Variants in ZFPM2 observed in about 807,000 individuals in gnomAD.
ZFPM2 encodes the protein zinc finger protein, FOG family member 2, also known as zinc finger protein ZFPM2.
ZFPM2 carries 20 observed loss-of-function variants against 98.6 expected under a neutral mutation model. The ratio of observed to expected loss-of-function variants is 0.20; its 90% CI spans 0.14 to 0.29. The LOEUF (loss-of-function observed/expected upper bound fraction) is 0.29, where lower values mean the gene tolerates loss of function less well. ZFPM2 is among the 10% of genes least tolerant of loss of function. ZFPM2 has a pLI of 1.00. For synonymous variants in ZFPM2, 518 were observed against 502.7 expected (o/e 1.03, Z -0.41); for missense variants, 1,310 against 1,388.6 (o/e 0.94, Z 0.90).
chr8:105,562,921 A>G (rs1166269955), intron 4 of ZFPM2, among the ~76,000 whole-genome samples: 2 of 152,234 alleles, frequency 1.3e-5, no homozygotes, highest in African/African-American at 4.8e-5. Flanking sequence ...CACATGGGAT[A>G]AAAGAAAAAC....
In ZFPM2 at chr8:105,494,339, C is replaced by A. The variant is rs182674201; in HGVS notation, c.301+49958C>A. Reference sequence around the variant, plus strand: ...ACCATCACCATCTATCCATTCCGCACGCTTAAGACCCAGGTGTCATCCTCG... The same window carrying A: ...ACCATCACCATCTATCCATTCCGCAAGCTTAAGACCCAGGTGTCATCCTCG... On this transcript the variant is annotated intron_variant, in intron 3 of 7. Coordinates refer to ENST00000407775, the MANE Select transcript of ZFPM2 (RefSeq NM_012082.4). Among the ~76,000 whole-genome samples, 46 of 151,260 alleles carry A rather than the reference C, an allele frequency of 3.0e-4. No homozygotes were observed. The South Asian group carries it at 9.4e-3, about 31-fold the overall frequency.
intron 6 of ZFPM2, 154 bp from the exon 7 acceptor site, chr8:105,798,570 T>C: frequency 1.6e-6 from 1 of 620,720 alleles, no homozygotes; most frequent in Non-Finnish European, 2.8e-6. Flanking sequence ...TCGAGTCCTA[T>C]GCTGTAGAAC....
intron 6 of ZFPM2, chr8:105,798,280 T>C (rs1813893630): frequency 6.5e-6 from 1 of 154,024 alleles, no homozygotes; most frequent in Admixed American, 6.4e-5. Context: ...GAGAAACCTG[T>C]TTCTACTAAA....
At chr8:105,460,505 G>A (rs573877915) in intron 3 of ZFPM2, among the ~76,000 whole-genome samples, 37 of 152,208 alleles carry the variant, frequency 2.4e-4, no homozygotes, top group South Asian at 1.9e-3. Flanking sequence ...TTCCAGCATC[G>A]CAGGCACGGG....
At chr8:105,385,216 G>T (rs1355588460) in intron 1 of ZFPM2, among the ~76,000 whole-genome samples, 1 of 152,176 alleles carries the variant, frequency 6.6e-6, no homozygotes, top group Non-Finnish European at 1.5e-5. Context: ...GGAATCTTAT[G>T]CAAAGTCATC....
At chr8:105,534,993 G>A (rs1315861675) in intron 3 of ZFPM2, among the ~76,000 whole-genome samples, 2 of 152,016 alleles carry the variant, frequency 1.3e-5, no homozygotes, top group Non-Finnish European at 2.9e-5. Flanking sequence ...GGCATTCTCC[G>A]AATACATGGT....
chr8:105,584,051 T>C (rs549872588), intron 4 of ZFPM2, among the ~76,000 whole-genome samples: 1 of 151,810 alleles, frequency 6.6e-6, no homozygotes, highest in African/African-American at 2.4e-5. Context: ...TTTTCTTTGG[T>C]TTTTTTTGGT....
At chr8:105,744,062 A>G (rs1812286082) in intron 5 of ZFPM2, among the ~76,000 whole-genome samples, 1 of 152,254 alleles carries the variant, frequency 6.6e-6, no homozygotes. Context: ...CATTAAAAAC[A>G]TCATAAATAT....
intron 1 of ZFPM2, among the ~76,000 whole-genome samples, chr8:105,357,214 G>A (rs1291544999): frequency 1.3e-5 from 2 of 152,052 alleles, no homozygotes; most frequent in Non-Finnish European, 2.9e-5. Flanking sequence ...GATTGAAAAG[G>A]TCCAGTGGAA....
At chr8:105,589,184 C>T (rs780924986) in intron 4 of ZFPM2, among the ~76,000 whole-genome samples, 14 of 152,150 alleles carry the variant, frequency 9.2e-5, no homozygotes, top group Non-Finnish European at 1.6e-4. Context: ...CAGGCAATAT[C>T]GGTGTCAGAA....
intron 4 of ZFPM2, among the ~76,000 whole-genome samples, chr8:105,568,700 C>T (rs1815293244): frequency 6.6e-6 from 1 of 152,110 alleles, no homozygotes. Context: ...ACTCAGACCA[C>T]AGTATGTCCT....
intron 4 of ZFPM2, among the ~76,000 whole-genome samples, chr8:105,603,733 G>A (rs1816140737): frequency 6.6e-6 from 1 of 151,976 alleles, no homozygotes; most frequent in South Asian, 2.1e-4. Flanking sequence ...CTCAATTTCA[G>A]GTTCTTCATC....
intron 4 of ZFPM2, among the ~76,000 whole-genome samples, chr8:105,633,509 T>C (rs373656367): frequency 6.6e-6 from 1 of 152,202 alleles, no homozygotes; most frequent in African/African-American, 2.4e-5. Context: ...AGCCAAAAAC[T>C]GTGACTATTT....
chr8:105,575,372 C>T (rs765300083), intron 4 of ZFPM2, among the ~76,000 whole-genome samples: 1 of 152,036 alleles, frequency 6.6e-6, no homozygotes, highest in Non-Finnish European at 1.5e-5. Context: ...TCAGAAGGCT[C>T]CGAGGATGAT....
chr8:105,707,277 A>G (rs1811286606), intron 5 of ZFPM2, among the ~76,000 whole-genome samples: 2 of 151,572 alleles, frequency 1.3e-5, no homozygotes, highest in South Asian at 2.1e-4. Context: ...AAAAAGCATC[A>G]TTATTTTTTC....
In ZFPM2 at chr8:105,495,146, T is replaced by C. The variant is rs1813435213; in HGVS notation, c.301+50765T>C. Among the ~76,000 whole-genome samples the C allele has an allele frequency of 2.0e-5, 3 of 152,230 alleles. No individual in the cohort carries two copies. The South Asian group carries it at 6.2e-4, about 31-fold the overall frequency. On this transcript the variant is annotated intron_variant, in intron 3 of 7. Transcript: ENST00000407775. ...CCATTGCTAGGTCCCACCAGTCTTC[T>C]GTTTATCAAAGCCTTGAACATCTTG... is the stretch of plus-strand genomic sequence containing the variant.
chr8:105,612,417 T>C (rs1322514337), intron 4 of ZFPM2, among the ~76,000 whole-genome samples: 1 of 151,674 alleles, frequency 6.6e-6, no homozygotes, highest in African/African-American at 2.4e-5. Context: ...CCCTGAGAGG[T>C]CTGCAGTCTC....
chr8:105,734,051 A>G (rs1812012273), intron 5 of ZFPM2, among the ~76,000 whole-genome samples: 1 of 151,896 alleles, frequency 6.6e-6, no homozygotes, highest in African/African-American at 2.4e-5. Flanking sequence ...ATCATGGTAT[A>G]CTGCCCTTGA....
chr8:105,330,564 AT>A (rs1812198850), intron 1 of ZFPM2, among the ~76,000 whole-genome samples: 1 of 74,614 alleles, frequency 1.3e-5, no homozygotes, highest in Non-Finnish European at 2.9e-5. Context: ...ATATATATAT[AT>A]ATACATATAT....
Sources: gnomAD v4.1 joint callset for allele counts (sites outside exome capture counted in the v4.1 genomes callset) on GRCh38, gnomAD v4.1.1 for gene constraint, MANE v1.5 for transcripts, NCBI Gene and HGNC (gene_info 2026-07-23, HGNC 2026-07-21) for gene names.